The following MYO18B variants were observed in gnomAD, a reference collection of about 807,000 sequenced individuals.
MYO18B encodes the protein myosin XVIIIB, also known as unconventional myosin-XVIIIb.
In MYO18B, 204 loss-of-function variants were observed where a neutral mutation model predicts 273.0. The ratio of observed to expected loss-of-function variants is 0.75; its 90% CI spans 0.67 to 0.84. MYO18B has a LOEUF of 0.84. MYO18B is among the 40% of genes least tolerant of loss of function. The pLI, the probability that MYO18B is intolerant of heterozygous loss-of-function variation, is 0.00. For synonymous variants in MYO18B, 1,330 were observed against 1,305.7 expected (o/e 1.02, Z -0.40); for missense variants, 3,212 against 3,287.6 (o/e 0.98, Z 0.56).
chr22:25,990,906 A>G (rs1452554641), intron 39 of MYO18B, among the ~76,000 whole-genome samples: 1 of 151,954 alleles, frequency 6.6e-6, no homozygotes, highest in Non-Finnish European at 1.5e-5. Flanking sequence ...AATAAACTTT[A>G]CATAATTAGA....
chr22:25,771,128 T>C lies in MYO18B; in HGVS notation c.1692+144T>C, dbSNP rs1479295969. On this transcript the variant is annotated intron_variant, in intron 6 of 43. Coordinates refer to ENST00000335473, the MANE Select transcript of MYO18B (RefSeq NM_032608.7). ...TTTGGCTTGATGCCCTGGAGGGAGT[T>C]ATAGTGAAGAACCCCACTGAACTCA... 4.7e-6 allele frequency: 3 copies of C among 644,798 alleles called. No individual in the cohort carries two copies. The South Asian group carries it at 5.6e-5, about 12-fold the overall frequency. 39.9% of individuals were successfully genotyped at this position (644,798 alleles called of 1,614,324 possible).
chr22:25,871,713 C>A (rs1016950106), intron 22 of MYO18B, among the ~76,000 whole-genome samples: 6 of 152,102 alleles, frequency 3.9e-5, no homozygotes, highest in African/African-American at 1.4e-4. Context: ...TGCTGAGGGC[C>A]ATGGCATTTG....
intron 38 of MYO18B, 32 bp from the exon 39 acceptor site, chr22:25,955,147 C>G (rs769064154): frequency 1.3e-6 from 2 of 1,546,168 alleles, no homozygotes; most frequent in East Asian, 4.6e-5. Flanking sequence ...GCCTCCAACT[C>G]CAAGGTGGGC....
chr22:25,880,557 C>T (rs1468738231), intron 25 of MYO18B, among the ~76,000 whole-genome samples: 2 of 152,082 alleles, frequency 1.3e-5, no homozygotes, highest in African/African-American at 4.8e-5. Flanking sequence ...GCTCTGGGTA[C>T]CTCCAAGGAT....
At chr22:25,949,176 AC>A (rs1418730972) in intron 36 of MYO18B, among the ~76,000 whole-genome samples, 1 of 152,086 alleles carries the variant, frequency 6.6e-6, no homozygotes, top group African/African-American at 2.4e-5. Context: ...CCAGCATGCC[AC>A]CCCAGACTGT....
intron 1 of MYO18B, among the ~76,000 whole-genome samples, chr22:25,751,051 G>A (rs1324825054): frequency 6.6e-6 from 1 of 152,174 alleles, no homozygotes; most frequent in African/African-American, 2.4e-5. Flanking sequence ...CCCTCCCTCT[G>A]CCTGAGTGTC....
intron 1 of MYO18B, among the ~76,000 whole-genome samples, chr22:25,754,512 G>A (rs568851653): frequency 1.3e-5 from 2 of 152,240 alleles, no homozygotes; most frequent in East Asian, 3.9e-4. Flanking sequence ...ATGTGTACGC[G>A]GAAAACAGTT....
intron 10 of MYO18B, among the ~76,000 whole-genome samples, chr22:25,782,191 C>T (rs936400119): frequency 6.6e-6 from 1 of 152,162 alleles, no homozygotes. Context: ...CTTGCATAGA[C>T]CTTATAGGAT....
Position 25,761,131 on chromosome 22 carries a change from G to A in MYO18B, c.39G>A (p.Lys13=). 6.2e-7 allele frequency: 1 copy of A among 1,613,310 alleles called. No individual in the cohort carries two copies. The highest frequency in any genetic ancestry group is 8.5e-7 in the Non-Finnish European group (1 of 1,179,892). ...CACGCCTCGCCCTGTGGGAGCAGAA[G>A]GAAAGTGACACTCATGGCTGGGGCT... ...ISSRLALWEQ[K]IREEDKSPPP... The change falls in exon 2 of 44, where the codon AAG becomes AAA. Residue 13 remains lysine, a splice_region_variant and synonymous_variant. Coordinates refer to ENST00000335473, the MANE Select transcript of MYO18B (RefSeq NM_032608.7).
At chr22:26,010,779 G>A (rs1041651963) in intron 42 of MYO18B, among the ~76,000 whole-genome samples, 6 of 152,136 alleles carry the variant, frequency 3.9e-5, no homozygotes, top group African/African-American at 1.4e-4. Flanking sequence ...ACCAGAGATT[G>A]CAGAAGTGGG....
At position 26,004,722 on chromosome 22, in the gene MYO18B, A is replaced by G; in HGVS notation, c.6337A>G (p.Asn2113Asp). The change falls in exon 42 of 44, where the codon AAC becomes GAC. Residue 2113 changes from asparagine to aspartate, a missense_variant. Transcript: ENST00000335473. ...CGSSGRKEMD[N>D]VSILSSQPEG... ...TGTCCTGCAATCTTATTCTAGGGAT[A>G]ACGTCTCCATCCTCAGCTCCCAGCC... The G allele has an allele frequency of 6.2e-7, 1 of 1,613,702 alleles. No homozygotes were observed. Among genetic ancestry groups the G allele is most frequent in the Non-Finnish European group, 8.5e-7 (1 of 1,179,724 alleles).
chr22:25,994,497 T>C (rs928178425), intron 40 of MYO18B, among the ~76,000 whole-genome samples: 2 of 150,954 alleles, frequency 1.3e-5, no homozygotes, highest in Admixed American at 1.3e-4. Flanking sequence ...AAAATAAAAG[T>C]TCATGTTTTG....
intron 42 of MYO18B, among the ~76,000 whole-genome samples, chr22:26,022,409 C>T (rs1935899958): frequency 6.6e-6 from 1 of 152,146 alleles, no homozygotes; most frequent in South Asian, 2.1e-4. Context: ...CCAAAGCCTA[C>T]AAAACGGCAT....
chr22:25,957,458 T>C (rs1200760642), intron 39 of MYO18B, among the ~76,000 whole-genome samples: 1 of 152,254 alleles, frequency 6.6e-6, no homozygotes, highest in Non-Finnish European at 1.5e-5. Flanking sequence ...CTGTCTCCAA[T>C]TTCTGATGGC....
the MYO18B span, among the ~76,000 whole-genome samples, chr22:26,037,135 C>A: frequency 6.6e-6 from 1 of 152,166 alleles, no homozygotes. Flanking sequence ...CCTGGCTAAA[C>A]AAACCTGGGC....
At chr22:25,772,536 G>T (rs772474320) in intron 7 of MYO18B, 26 bp downstream of exon 7, 13 of 1,600,084 alleles carry the variant, frequency 8.1e-6, no homozygotes, top group Admixed American at 1.7e-5. Flanking sequence ...TGTGGGCAGG[G>T]CTGAGGGGCT....
At chr22:25,901,385 G>A (rs1027362396) in intron 29 of MYO18B, 2 of 152,198 alleles carry the variant, frequency 1.3e-5, no homozygotes, top group Non-Finnish European at 2.9e-5. Context: ...TTCTCTATCG[G>A]TTTCCTCACC....
At chr22:25,780,001 G>C (rs747884885) in intron 8 of MYO18B, 55 bp from the exon 9 acceptor site, 1 of 1,505,540 alleles carries the variant, frequency 6.6e-7, no homozygotes, top group Non-Finnish European at 8.9e-7. Flanking sequence ...GTGTGAGGTG[G>C]CAGTGGCAGC....
chr22:25,803,463 A>G (rs974345644), intron 12 of MYO18B, among the ~76,000 whole-genome samples: 15 of 151,848 alleles, frequency 9.9e-5, no homozygotes, highest in Admixed American at 8.5e-4. Context: ...AGAAAATTCT[A>G]GTAGAATGTA....
Sources: allele counts gnomAD v4.1 joint callset (sites outside exome capture counted in the v4.1 genomes callset), GRCh38; gene constraint gnomAD v4.1.1; transcripts MANE v1.5; gene names NCBI Gene and HGNC (gene_info 2026-07-23, HGNC 2026-07-21).